Variants in BEND7 observed in about 807,000 individuals in gnomAD.
BEND7 encodes BEN domain-containing protein 7.
In BEND7, 28 loss-of-function variants were observed where a neutral mutation model predicts 50.9. The observed-to-expected ratio is 0.55, with a 90% CI of 0.41 to 0.75. BEND7 has a LOEUF of 0.75. Ranked by LOEUF, BEND7 falls within the 30% of genes least tolerant of loss-of-function variation. The pLI is 0.00. For synonymous variants in BEND7, 170 were observed against 183.9 expected, an observed-to-expected ratio of 0.92 and a Z score of 0.61; for missense variants, 477 against 491.3, an observed-to-expected ratio of 0.97 and a Z score of 0.28.
At chr10:13,478,694 GA>G (rs1483699756) in intron 6 of BEND7, among the ~76,000 whole-genome samples, 12 of 151,792 alleles carry the variant, frequency 7.9e-5, no homozygotes, top group South Asian at 2.1e-4. Context: ...TTGTAATCAG[GA>G]AAAAAATCAA....
downstream of BEND7, chr10:13,438,901 T>TG (rs1835034838): frequency 2.5e-6 from 1 of 402,062 alleles, no homozygotes; most frequent in Non-Finnish European, 4.6e-6. Context: ...ATAAAGGCTC[T>TG]GGGTTTGGGC....
At chr10:13,442,672 A>T (rs1835507371) in intron 8 of BEND7, 1 of 152,214 alleles carries the variant, frequency 6.6e-6, no homozygotes, top group South Asian at 2.1e-4. Flanking sequence ...CATCTGTTAA[A>T]ATGGCTGTCA....
At chr10:13,468,153 A>G (rs148945807) in intron 6 of BEND7, among the ~76,000 whole-genome samples, 177 of 152,306 alleles carry the variant, frequency 1.2e-3, no homozygotes, top group African/African-American at 4.0e-3. Flanking sequence ...CCTCCATAGA[A>G]GTCATCAATA....
In BEND7 at chr10:13,452,548, T is replaced by C; in HGVS notation, c.1174A>G (p.Arg392Gly). Residue 392 changes from arginine (R) to glycine (G), a missense_variant, in exon 7 of 9, where the codon AGA becomes GGA. Physicochemically the swap from Arg to Gly is moderately radical, Grantham distance 125 (BLOSUM62 -2). Around this residue, in one of 3 missense-constraint regions of BEND7, gnomAD observed 64 missense variants for 68.5 expected, o/e 0.93. Coordinates refer to ENST00000466271, the MANE Select transcript of BEND7 (RefSeq NM_001369863.1). ...TGCACCTTAGTCATACCTGAGCCTC[T>C]TTTTAACCTTCTTCTGGCCAGTTTA... Reference protein sequence around the residue: ...QIKLARRRLKRGSEIADSDER... With the variant: ...QIKLARRRLKGGSEIADSDER... The C allele has an allele frequency of 6.2e-7, 1 of 1,608,952 alleles. No individual in the cohort carries two copies. Among genetic ancestry groups the C allele is most frequent in the Non-Finnish European group, 8.5e-7 (1 of 1,178,550 alleles).
At chr10:13,478,686 G>A (rs1405860685) in intron 6 of BEND7, among the ~76,000 whole-genome samples, 3 of 151,956 alleles carry the variant, frequency 2.0e-5, no homozygotes, top group Non-Finnish European at 4.4e-5. Flanking sequence ...TATTATTTTT[G>A]TAATCAGGAA....
chr10:13,515,410 T>A (rs1446019844), intron 2 of BEND7, among the ~76,000 whole-genome samples: 4 of 152,192 alleles, frequency 2.6e-5, no homozygotes, highest in Non-Finnish European at 4.4e-5. Flanking sequence ...GTAAAAAACA[T>A]TGTAAACCCC....
At chr10:13,527,150 A>G (rs1447359741) in intron 1 of BEND7, among the ~76,000 whole-genome samples, 3 of 152,268 alleles carry the variant, frequency 2.0e-5, no homozygotes, top group South Asian at 2.1e-4. Context: ...TGAATGAATC[A>G]GATAGCACCA....
chr10:13,467,759 T>C (rs1423654927), intron 6 of BEND7, among the ~76,000 whole-genome samples: 1 of 151,998 alleles, frequency 6.6e-6, no homozygotes, highest in East Asian at 1.9e-4. Flanking sequence ...GTATCCAATG[T>C]GGGAGTGCTG....
rs558591386 is a variant in BEND7, at chr10:13,477,514, CA to C, written c.1063+3384del. On this transcript the variant is annotated intron_variant, in intron 6 of 8. Coordinates refer to ENST00000466271, the MANE Select transcript of BEND7 (RefSeq NM_001369863.1). ...AAATCTCTACGAATAACAACAACAA[CA>C]AAAAAGACCTTAAATTAATAGCTAC... Among the ~76,000 whole-genome samples the C allele has an allele frequency of 3.5e-4, 54 of 152,124 alleles. No individual in the cohort carries two copies. The East Asian group carries it at 0.01, about 28-fold the overall frequency.
Position 13,472,815 on chromosome 10 carries a change from C to T in BEND7, c.1063+8084G>A, listed in dbSNP as rs1454910794. Among the ~76,000 whole-genome samples the T allele has an allele frequency of 5.9e-5, 9 of 151,308 alleles. No homozygotes were observed. In the South Asian group the frequency reaches 6.3e-4, roughly 11 times the overall value. On this transcript the variant is annotated intron_variant, in intron 6 of 8. Coordinates refer to ENST00000466271, the MANE Select transcript of BEND7 (RefSeq NM_001369863.1). ...TAGACTCGGGGTTGATACTCGTCAT[C>T]GCTGTTAGACTCGGGGTTGATACCC...
chr10:13,474,076 T>G (rs1054502918), intron 6 of BEND7, among the ~76,000 whole-genome samples: 3 of 152,096 alleles, frequency 2.0e-5, no homozygotes, highest in African/African-American at 7.2e-5. Flanking sequence ...CCATCATCAC[T>G]GTTAGACACA....
At chr10:13,499,261 A>C (rs1221697076) in intron 3 of BEND7, among the ~76,000 whole-genome samples, 1 of 152,250 alleles carries the variant, frequency 6.6e-6, no homozygotes, top group East Asian at 1.9e-4. Context: ...CTAATGAAGC[A>C]TGTTACAAAA....
At chr10:13,467,186 G>C (rs2074338971) in intron 6 of BEND7, among the ~76,000 whole-genome samples, 1 of 152,156 alleles carries the variant, frequency 6.6e-6, no homozygotes, top group African/African-American at 2.4e-5. Flanking sequence ...AAAATTTGGG[G>C]TTCACATTCT....
At chr10:13,522,132 T>TTC (rs72511741) in intron 2 of BEND7, among the ~76,000 whole-genome samples, 150,486 of 152,330 alleles carry the variant, frequency 0.99, 74,360 homozygotes, top group Middle Eastern at 1. Flanking sequence ...CGCAATGAAT[T>TTC]TGTTGAATGA....
At chr10:13,496,404 A>T (rs538074935) in intron 4 of BEND7, among the ~76,000 whole-genome samples, 1 of 152,186 alleles carries the variant, frequency 6.6e-6, no homozygotes, top group East Asian at 1.9e-4. Context: ...GGGGCTCCAC[A>T]TTTCTTATCT....
Position 13,458,291 on chromosome 10 carries a change from G to A in BEND7, c.1064-5633C>T, listed in dbSNP as rs1412764239. Among the ~76,000 whole-genome samples the A allele has an allele frequency of 2.6e-5, 4 of 152,232 alleles. No individual in the cohort carries two copies. In the South Asian group the frequency reaches 6.2e-4, roughly 24 times the overall value. ...CATCATCAAGTGAAGGCGGCAGCGC[G>A]TGGCGTGTCTGACATGCTGAACGCG... On this transcript the variant is annotated intron_variant, in intron 6 of 8. Transcript: ENST00000466271.
intron 2 of BEND7, among the ~76,000 whole-genome samples, chr10:13,513,258 C>T (rs1035539614): frequency 4.9e-4 from 75 of 152,140 alleles, no homozygotes; most frequent in Non-Finnish European, 4.0e-4. Flanking sequence ...TTTTAGGACG[C>T]TGGCCTAGGC....
At chr10:13,526,030 C>A in intron 2 of BEND7, 108 bp downstream of exon 2, 1 of 449,162 alleles carries the variant, frequency 2.2e-6, no homozygotes, top group South Asian at 2.0e-5. Context: ...GAATGTCATA[C>A]ATTAAGCAAT....
At chr10:13,528,013 G>C (rs2079540516) in intron 1 of BEND7, among the ~76,000 whole-genome samples, 1 of 152,108 alleles carries the variant, frequency 6.6e-6, no homozygotes, top group African/African-American at 2.4e-5. Flanking sequence ...GCTTGGACAC[G>C]GCGTGAGCTT....
Sources: allele counts gnomAD v4.1 joint callset (sites outside exome capture counted in the v4.1 genomes callset), GRCh38; gene constraint gnomAD v4.1.1; regional missense constraint gnomAD v4.1.1; transcripts MANE v1.5; gene names NCBI Gene and HGNC (gene_info 2026-07-23, HGNC 2026-07-21).